The following TRIM2 variants were observed in gnomAD, a reference collection of about 807,000 sequenced individuals.
TRIM2 encodes the protein tripartite motif-containing protein 2.
TRIM2 carries 20 observed loss-of-function variants against 75.2 expected under a neutral mutation model. That is an observed-to-expected ratio of 0.27 (90% CI 0.19 to 0.39). The LOEUF (loss-of-function observed/expected upper bound fraction) is 0.39, where lower values mean the gene tolerates loss of function less well. Among genes scored for constraint, TRIM2 ranks in the 10% least tolerant of loss-of-function variants. The pLI, the probability that TRIM2 is intolerant of heterozygous loss-of-function variation, is 1.00. For synonymous variants in TRIM2, 373 were observed against 388.3 expected (o/e 0.96, Z 0.46); for missense variants, 660 against 990.8 (o/e 0.67, Z 4.48).
chr4:153,258,930 C>G (rs1483796966), intron 1 of TRIM2, among the ~76,000 whole-genome samples: 3 of 152,142 alleles, frequency 2.0e-5, no homozygotes, highest in Admixed American at 2.0e-4. Context: ...AATGCACGCC[C>G]CTCCCAAGCA....
chr4:153,257,494 C>T, intron 1 of TRIM2: 4 of 1,276,770 alleles, frequency 3.1e-6, no homozygotes, highest in Non-Finnish European at 4.1e-6. Context: ...CTGCCGACTT[C>T]CAGCCTTCTC....
At chr4:153,285,651 G>A (rs563820807) in intron 3 of TRIM2, among the ~76,000 whole-genome samples, 31 of 151,934 alleles carry the variant, frequency 2.0e-4, no homozygotes, top group Non-Finnish European at 3.4e-4. Context: ...TTCACTTTTG[G>A]ATTATTCATT....
intron 1 of TRIM2, chr4:153,153,405 G>A (rs1423907642): frequency 6.6e-6 from 1 of 151,808 alleles, no homozygotes; most frequent in East Asian, 2.0e-4. Context: ...GCCCCGAGAC[G>A]CGCGTCGCCA....
At chr4:153,155,997 C>T (rs1032978912) in intron 1 of TRIM2, among the ~76,000 whole-genome samples, 3 of 152,204 alleles carry the variant, frequency 2.0e-5, no homozygotes, top group South Asian at 2.1e-4. Context: ...TCTGATTTGC[C>T]AAGGGAAGCT....
chr4:153,233,606 C>T (rs1178875327), intron 1 of TRIM2, among the ~76,000 whole-genome samples: 1 of 151,650 alleles, frequency 6.6e-6, no homozygotes, highest in African/African-American at 2.4e-5. Context: ...AAGGAAGAAA[C>T]CCATGGGAAA....
chr4:153,315,336 T>C lies in TRIM2; in HGVS notation c.1511-149T>C, dbSNP rs75345522. On this transcript the variant is annotated intron_variant, in intron 6 of 11. Coordinates refer to ENST00000338700, the MANE Select transcript of TRIM2 (RefSeq NM_015271.5). ...AGGTTTAATAGCATATGGATTAGGT[T>C]ATTGGGGAGGGAGGGTGCCCTTTTT... 7.0e-3 allele frequency: 4,035 copies of C among 579,800 alleles called. 129 individuals are homozygous for C. Among genetic ancestry groups the C allele is most frequent in the African/African-American group, 0.069 (3,636 of 52,602 alleles). The allele number at this position is 579,800 out of a possible 1,614,324, so 35.9% of individuals were successfully genotyped here. A position where few individuals can be genotyped will look rare whatever the true frequency, so the allele number is the denominator to read the frequency against.
intron 6 of TRIM2, among the ~76,000 whole-genome samples, chr4:153,305,319 G>T (rs1441605365): frequency 6.6e-6 from 1 of 152,156 alleles, no homozygotes; most frequent in Non-Finnish European, 1.5e-5. Context: ...ACCAAAAAAA[G>T]CTTGGAACAA....
At chr4:153,325,169 T>C (rs1769886172) in intron 10 of TRIM2, among the ~76,000 whole-genome samples, 1 of 152,202 alleles carries the variant, frequency 6.6e-6, no homozygotes, top group Non-Finnish European at 1.5e-5. Flanking sequence ...TGTGATGTCC[T>C]TTCTGCATCC....
chr4:153,287,743 A>G (rs920495873), intron 3 of TRIM2, among the ~76,000 whole-genome samples: 1 of 152,250 alleles, frequency 6.6e-6, no homozygotes, highest in African/African-American at 2.4e-5. Context: ...TCAGCTACAT[A>G]GGTTTGTAAT....
chr4:153,198,740 G>T (rs1734025127), intron 1 of TRIM2, among the ~76,000 whole-genome samples: 1 of 152,162 alleles, frequency 6.6e-6, no homozygotes, highest in East Asian at 1.9e-4. Context: ...TGTTTTGTAT[G>T]TTGGCAAATC....
intron 3 of TRIM2, among the ~76,000 whole-genome samples, chr4:153,283,448 T>A (rs1208520178): frequency 6.6e-6 from 1 of 152,214 alleles, no homozygotes; most frequent in African/African-American, 2.4e-5. Flanking sequence ...ATCGATTCAT[T>A]CATCAGTTGA....
chr4:153,280,715 C>T (rs1471473386), intron 3 of TRIM2, among the ~76,000 whole-genome samples: 5 of 150,208 alleles, frequency 3.3e-5, no homozygotes, highest in Non-Finnish European at 7.4e-5. Flanking sequence ...GACGGAGTCT[C>T]GCTCTGTTGC....
intron 1 of TRIM2, among the ~76,000 whole-genome samples, chr4:153,163,975 C>T (rs960886603): frequency 1.3e-5 from 2 of 152,124 alleles, no homozygotes; most frequent in Admixed American, 6.5e-5. Context: ...GCATTTTGCT[C>T]ACTTGGCTTG....
chr4:153,213,181 G>C (rs994020764), intron 1 of TRIM2, among the ~76,000 whole-genome samples: 1 of 152,196 alleles, frequency 6.6e-6, no homozygotes, highest in Admixed American at 6.5e-5. Context: ...GGAAACTGAG[G>C]CTCAGATTGT....
intron 6 of TRIM2, among the ~76,000 whole-genome samples, chr4:153,305,836 C>G (rs1560985482): frequency 6.6e-6 from 1 of 152,152 alleles, no homozygotes; most frequent in African/African-American, 2.4e-5. Context: ...TCTGGGGGGA[C>G]CCATTCAAAC....
At position 153,231,702 on chromosome 4, in the gene TRIM2, C is replaced by G. The variant is rs1390705616; in HGVS notation, c.30+27142C>G. 2.0e-5 allele frequency among the ~76,000 whole-genome samples: 3 copies of G among 152,164 alleles called. No homozygotes were observed. In the South Asian group the frequency reaches 6.2e-4, roughly 32 times the overall value. ...GGAGAATCTGCTCCATGCCTCTGTC[C>G]TAGCATCCGGCTGTCCCACGCTTCC... On this transcript the variant is annotated intron_variant, in intron 1 of 11. Transcript: ENST00000338700.
intron 9 of TRIM2, among the ~76,000 whole-genome samples, chr4:153,323,808 T>C (rs1769524943): frequency 6.6e-6 from 1 of 152,142 alleles, no homozygotes; most frequent in Non-Finnish European, 1.5e-5. Context: ...TTCTGATGCT[T>C]ACTGCTCCTC....
chr4:153,287,980 G>C (rs1234111956), intron 3 of TRIM2, among the ~76,000 whole-genome samples: 1 of 151,918 alleles, frequency 6.6e-6, no homozygotes, highest in African/African-American at 2.4e-5. Flanking sequence ...CAGACACTCA[G>C]TTTTTGTATT....
chr4:153,275,835 C>A (rs947637185), intron 2 of TRIM2, 58 bp from the exon 3 acceptor site: 13 of 1,473,556 alleles, frequency 8.8e-6, no homozygotes, highest in Non-Finnish European at 1.2e-5. Flanking sequence ...TGTATGGTAC[C>A]TGTGAGAAGT....
Sources: allele counts gnomAD v4.1 joint callset (sites outside exome capture counted in the v4.1 genomes callset), GRCh38; gene constraint gnomAD v4.1.1; transcripts MANE v1.5; gene names NCBI Gene and HGNC (gene_info 2026-07-23, HGNC 2026-07-21).